The following ASPH variants were observed in gnomAD, a reference collection of about 807,000 sequenced individuals.
The protein encoded by ASPH is aspartyl/asparaginyl beta-hydroxylase.
Under a neutral mutation model 118.4 loss-of-function variants are expected in ASPH, and 100 were observed. The observed-to-expected ratio is 0.84, with a 90% confidence interval of 0.72 to 1.00. The LOEUF is 1.00. Among genes scored for constraint, ASPH ranks in the 50% least tolerant of loss-of-function variants. ASPH has a pLI of 0.00. For synonymous variants in ASPH, 315 were observed against 325.6 expected (o/e 0.97, Z 0.35); for missense variants, 920 against 919.5 (o/e 1.00, Z -0.01).
intron 3 of ASPH, among the ~76,000 whole-genome samples, chr8:61,670,088 T>C (rs1821640117): frequency 6.6e-6 from 1 of 151,906 alleles, no homozygotes; most frequent in African/African-American, 2.4e-5. Flanking sequence ...ATTTTTGACA[T>C]AAAAAGGACC....
chr8:61,586,960 C>A (rs1027432528), intron 14 of ASPH, among the ~76,000 whole-genome samples: 2 of 152,186 alleles, frequency 1.3e-5, no homozygotes, highest in Non-Finnish European at 2.9e-5. Flanking sequence ...CATGGAAGAA[C>A]TAAGGCTGTT....
chr8:61,714,190 C>A, intron 1 of ASPH, 79 bp downstream of exon 1: 1 of 1,351,614 alleles, frequency 7.4e-7, no homozygotes, highest in Non-Finnish European at 9.5e-7. Flanking sequence ...TGGGGAGATG[C>A]ACCCGCAGCG....
At position 61,610,050 on chromosome 8, in the gene ASPH, T is replaced by C. The variant is rs937760306; in HGVS notation, c.976+8928A>G. 6.6e-5 allele frequency among the ~76,000 whole-genome samples: 10 copies of C among 152,342 alleles called. No individual in the cohort carries two copies. The East Asian group carries it at 7.7e-4, about 12-fold the overall frequency. On this transcript the variant is annotated intron_variant, in intron 14 of 24. Coordinates refer to ENST00000379454, the MANE Select transcript of ASPH (RefSeq NM_004318.4). ...TCACATCTTCCATCATTAAAAAAAT[T>C]ACAATCTTAACAGTCATTTTAAAAC...
intron 24 of ASPH, among the ~76,000 whole-genome samples, chr8:61,507,890 T>C (rs1335148734): frequency 6.6e-6 from 1 of 152,228 alleles, no homozygotes; most frequent in Admixed American, 6.5e-5. Flanking sequence ...GGAAGTACTG[T>C]TACAGCCTTG....
rs772490513 is a variant in ASPH, at chr8:61,646,797, T to A, written c.572A>T (p.Asp191Val). The A allele has an allele frequency of 1.2e-6, 2 of 1,614,052 alleles. No individual in the cohort carries two copies. The highest frequency in any genetic ancestry group is 4.5e-5 in the East Asian group (2 of 44,874). ...CAGGGTCTCAAATCTATCATCTACA[T>A]CAGTCGCCATAAGAAACTCATCATC... ...QEDDEFLMAT[D>V]VDDRFETLEP... is the part of the protein sequence containing the mutation. Residue 191 changes from aspartate (D) to valine (V), a missense_variant, in exon 6 of 25, where the codon GAT becomes GTT. By Grantham distance (152) the Asp-to-Val change is radical. Transcript: ENST00000379454.
At chr8:61,579,750 C>T (rs1836798264) in intron 15 of ASPH, 2 of 853,060 alleles carry the variant, frequency 2.3e-6, no homozygotes, top group East Asian at 4.8e-5. Flanking sequence ...TTCAGGGTAG[C>T]ACTGGGAACA....
chr8:61,584,908 G>A (rs1020184947), intron 14 of ASPH, among the ~76,000 whole-genome samples: 3 of 152,018 alleles, frequency 2.0e-5, no homozygotes, highest in African/African-American at 4.8e-5. Context: ...TCAAAACCAC[G>A]CTCCTTATAA....
intron 13 of ASPH, among the ~76,000 whole-genome samples, chr8:61,628,701 C>G (rs2150687064): frequency 6.6e-6 from 1 of 152,260 alleles, no homozygotes; most frequent in Non-Finnish European, 1.5e-5. Context: ...TCCCACCCCT[C>G]TGAAGCTGGG....
intron 14 of ASPH, among the ~76,000 whole-genome samples, chr8:61,594,404 C>T (rs1489665059): frequency 6.6e-6 from 1 of 152,114 alleles, no homozygotes; most frequent in Non-Finnish European, 1.5e-5. Flanking sequence ...TTTCTAAGCC[C>T]AGCTTGCATC....
At chr8:61,608,030 G>A (rs944573945) in intron 14 of ASPH, among the ~76,000 whole-genome samples, 1 of 152,162 alleles carries the variant, frequency 6.6e-6, no homozygotes, top group Non-Finnish European at 1.5e-5. Flanking sequence ...CTAGGCCAGA[G>A]GCAGTTGCTG....
At chr8:61,693,928 C>A (rs1162829727) in intron 1 of ASPH, among the ~76,000 whole-genome samples, 2 of 152,138 alleles carry the variant, frequency 1.3e-5, no homozygotes, top group Non-Finnish European at 2.9e-5. Context: ...AAGTATCCCC[C>A]GCCACAGAGG....
At chr8:61,607,649 G>C (rs1212728545) in intron 14 of ASPH, among the ~76,000 whole-genome samples, 2 of 151,896 alleles carry the variant, frequency 1.3e-5, no homozygotes, top group Non-Finnish European at 2.9e-5. Context: ...CATTCTTTCT[G>C]GCATGAGAGA....
intron 9 of ASPH, 38 bp downstream of exon 9, chr8:61,643,348 G>T: frequency 6.4e-7 from 1 of 1,572,578 alleles, no homozygotes. Flanking sequence ...AAAATCTAAG[G>T]TAATATTTTA....
At chr8:61,639,166 T>C (rs751083748) in intron 10 of ASPH, among the ~76,000 whole-genome samples, 1 of 152,192 alleles carries the variant, frequency 6.6e-6, no homozygotes, top group Non-Finnish European at 1.5e-5. Flanking sequence ...TCTGTTGCCC[T>C]GAGCAGTGTC....
At chr8:61,546,269 T>A (rs913160208) in intron 21 of ASPH, among the ~76,000 whole-genome samples, 1 of 152,244 alleles carries the variant, frequency 6.6e-6, no homozygotes, top group Non-Finnish European at 1.5e-5. Context: ...GGCTTCCAGC[T>A]ATGTCAATCA....
intron 16 of ASPH, among the ~76,000 whole-genome samples, chr8:61,568,307 G>A (rs1174472282): frequency 6.6e-6 from 1 of 152,042 alleles, no homozygotes; most frequent in African/African-American, 2.4e-5. Context: ...GGTAACAAGT[G>A]GTCAGATTAT....
intron 21 of ASPH, among the ~76,000 whole-genome samples, chr8:61,537,090 A>C (rs1819916530): frequency 6.6e-6 from 1 of 152,210 alleles, no homozygotes; most frequent in African/African-American, 2.4e-5. Flanking sequence ...TGAGGGCTTC[A>C]AGGACTCAGA....
chr8:61,593,616 T>C (rs1841784185), intron 14 of ASPH, among the ~76,000 whole-genome samples: 1 of 152,228 alleles, frequency 6.6e-6, no homozygotes, highest in Non-Finnish European at 1.5e-5. Context: ...AGACAGCAAG[T>C]ATTCCAGTTT....
chr8:61,586,203 C>T (rs930302096), intron 14 of ASPH, among the ~76,000 whole-genome samples: 1 of 152,160 alleles, frequency 6.6e-6, no homozygotes, highest in African/African-American at 2.4e-5. Flanking sequence ...AACTCCTTCT[C>T]CCTGCTGCTC....
Sources: allele counts gnomAD v4.1 joint callset (sites outside exome capture counted in the v4.1 genomes callset), GRCh38; gene constraint gnomAD v4.1.1; transcripts MANE v1.5; gene names NCBI Gene and HGNC (gene_info 2026-07-23, HGNC 2026-07-21).